SLCO4C1: variants seen among roughly 807,000 people sequenced by gnomAD.
SLCO4C1 encodes the protein solute carrier organic anion transporter family member 4C1, also known as organic anion transporter M1.
In SLCO4C1, 58 loss-of-function variants were observed where a neutral mutation model predicts 72.1. The ratio of observed to expected loss-of-function variants is 0.80; its 90% CI spans 0.65 to 1.00. The LOEUF is 1.00. Among genes scored for constraint, SLCO4C1 ranks in the 50% least tolerant of loss-of-function variants. The probability of loss-of-function intolerance (pLI) is 0.00; values close to 1 mark genes in which losing one functional copy is unlikely to be tolerated. For synonymous variants in SLCO4C1, 297 were observed against 312.5 expected, an observed-to-expected ratio of 0.95 and a Z score of 0.52; for missense variants, 898 against 857.9, an observed-to-expected ratio of 1.05 and a Z score of -0.58.
intron 3 of SLCO4C1, among the ~76,000 whole-genome samples, chr5:102,269,180 T>G (rs1316538219): frequency 6.6e-6 from 1 of 152,154 alleles, no homozygotes; most frequent in Non-Finnish European, 1.5e-5. Context: ...TGGGAATCCC[T>G]GAGCTTCCTG....
In SLCO4C1 at chr5:102,257,196, A is replaced by T. The variant is rs779066824; in HGVS notation, c.1388T>A (p.Val463Asp). ...TMKFALFTSG[V>D]ALTLSFVFMY... ...AAATACAAAACTCAGCGTAAGTGCAACTCCAGATGTGAACAGTGCAAACTT... is the reference window on the plus strand; with the variant it reads ...AAATACAAAACTCAGCGTAAGTGCATCTCCAGATGTGAACAGTGCAAACTT... The change falls in exon 8 of 13, where the codon GTT becomes GAT. Residue 463 changes from valine to aspartate, a missense_variant. Physicochemically the swap from Val to Asp is radical, Grantham distance 152. Coordinates refer to ENST00000310954, the MANE Select transcript of SLCO4C1 (RefSeq NM_180991.5). The T allele has an allele frequency of 2.0e-5, 32 of 1,608,764 alleles. No individual in the cohort carries two copies. The highest frequency in any genetic ancestry group is 1.9e-4 in the South Asian group (17 of 90,000).
intron 8 of SLCO4C1, 106 bp downstream of exon 8, chr5:102,257,009 C>T (rs1174533684): frequency 4.2e-6 from 4 of 955,556 alleles, no homozygotes; most frequent in South Asian, 3.5e-5. Flanking sequence ...AAAGGTCTTC[C>T]AAATTTTTAA....
At chr5:102,240,591 C>A in intron 11 of SLCO4C1, 127 bp downstream of exon 11, 1 of 697,256 alleles carries the variant, frequency 1.4e-6, no homozygotes, top group Admixed American at 2.6e-5. Context: ...AAAATGGCTT[C>A]CTTCAACAAG....
intron 2 of SLCO4C1, among the ~76,000 whole-genome samples, chr5:102,272,780 A>AC (rs5870019): frequency 0.75 from 114,256 of 151,716 alleles, 43,086 homozygotes; most frequent in Middle Eastern, 0.84. Context: ...ACATGGTAAA[A>AC]CCCGTCTCTA....
intron 8 of SLCO4C1, among the ~76,000 whole-genome samples, chr5:102,255,865 G>A (rs1748824810): frequency 6.6e-6 from 1 of 151,900 alleles, no homozygotes; most frequent in Middle Eastern, 3.2e-3. Flanking sequence ...CAGGTATTTT[G>A]CCAAGAAGAT....
chr5:102,260,160 A>T, intron 6 of SLCO4C1, 53 bp downstream of exon 6: 1 of 423,264 alleles, frequency 2.4e-6, no homozygotes, highest in Non-Finnish European at 3.6e-6. Context: ...GTGTGTGTGT[A>T]TATGTGTGTG....
chr5:102,273,118 G>C (rs1749184139), intron 2 of SLCO4C1, among the ~76,000 whole-genome samples: 1 of 151,950 alleles, frequency 6.6e-6, no homozygotes. Context: ...GAGACTGTGA[G>C]AATTATGACA....
chr5:102,280,548 T>C (rs2075195778), intron 2 of SLCO4C1, among the ~76,000 whole-genome samples: 1 of 152,030 alleles, frequency 6.6e-6, no homozygotes, highest in South Asian at 2.1e-4. Context: ...CCAATTAATA[T>C]CCCAATTAAT....
chr5:102,235,438 C>T lies in SLCO4C1; in HGVS notation c.*1420G>A, dbSNP rs552173101. The T allele has an allele frequency of 6.6e-6, 1 of 152,154 alleles. No homozygotes were observed. The highest frequency in any genetic ancestry group is 6.5e-5 in the Admixed American group (1 of 15,280). 9.4% of individuals were successfully genotyped at this position (152,154 alleles called of 1,614,324 possible). ...GGTAGAAGTTATGTTTGTTGATGTT[C>T]ACTCATCTATACCCTCCATATTCTC... On this transcript the variant is annotated 3_prime_UTR_variant, in exon 13 of 13. Transcript: ENST00000310954.
chr5:102,271,946 T>C (rs1216128561), intron 2 of SLCO4C1, among the ~76,000 whole-genome samples: 18 of 152,108 alleles, frequency 1.2e-4, no homozygotes, highest in Admixed American at 1.2e-3. Flanking sequence ...CTTTTGCAAC[T>C]CGGGTAAATA....
intron 9 of SLCO4C1, among the ~76,000 whole-genome samples, chr5:102,248,356 G>C (rs1438703528): frequency 6.6e-6 from 1 of 152,054 alleles, no homozygotes; most frequent in Non-Finnish European, 1.5e-5. Flanking sequence ...AGGACAAATA[G>C]AAAATTTGCA....
chr5:102,246,789 G>A (rs1580241161), intron 10 of SLCO4C1, among the ~76,000 whole-genome samples: 1 of 152,082 alleles, frequency 6.6e-6, no homozygotes, highest in Non-Finnish European at 1.5e-5. Flanking sequence ...ATACAAGGAG[G>A]AAGAGCAACT....
intron 2 of SLCO4C1, among the ~76,000 whole-genome samples, chr5:102,284,721 T>C (rs1042652997): frequency 6.6e-6 from 1 of 152,212 alleles, no homozygotes; most frequent in Non-Finnish European, 1.5e-5. Context: ...CAGATAGTAC[T>C]TTCAGAAATG....
intron 3 of SLCO4C1, among the ~76,000 whole-genome samples, chr5:102,266,203 G>T (rs1018562452): frequency 1.3e-5 from 2 of 151,988 alleles, no homozygotes; most frequent in Non-Finnish European, 2.9e-5. Context: ...GAGTTTTTTG[G>T]TGGAGTCTTT....
At chr5:102,293,868 G>A (rs1441007436) in intron 1 of SLCO4C1, among the ~76,000 whole-genome samples, 2 of 152,136 alleles carry the variant, frequency 1.3e-5, no homozygotes, top group East Asian at 1.9e-4. Flanking sequence ...CTGAATAGCT[G>A]GGACTACAGG....
chr5:102,247,935 T>C, intron 9 of SLCO4C1, among the ~76,000 whole-genome samples: 1 of 148,818 alleles, frequency 6.7e-6, no homozygotes, highest in African/African-American at 2.5e-5. Flanking sequence ...TTTTTTTTTT[T>C]TTTTTTGGTG....
chr5:102,257,947 A>G lies in SLCO4C1; in HGVS notation c.1269T>C (p.Leu423=). The change falls in exon 7 of 13, where the codon CTT becomes CTC. Residue 423 remains leucine (L), a synonymous_variant. Transcript: ENST00000310954. ...FGLTSSFAAT[L]GGAVLIPGAA... is the part of the protein sequence containing the mutation. ...AAGATAAAGAAAATGTTTTACCTCC[A>G]AGAGTAGCTGCGAAGCTGGATGTCA... 1 of 1,601,538 alleles carries G rather than the reference A, an allele frequency of 6.2e-7. No homozygotes were observed. The highest frequency in any genetic ancestry group is 8.5e-7 in the Non-Finnish European group (1 of 1,176,600).
intron 10 of SLCO4C1, 83 bp from the exon 11 acceptor site, chr5:102,240,865 T>C (rs1748527527): frequency 1.1e-6 from 1 of 931,438 alleles, no homozygotes; most frequent in African/African-American, 1.7e-5. Context: ...TATAAGAGTT[T>C]AGCATTCCTA....
At chr5:102,286,756 AAC>A (rs201081289) in intron 2 of SLCO4C1, among the ~76,000 whole-genome samples, 7 of 152,168 alleles carry the variant, frequency 4.6e-5, no homozygotes, top group East Asian at 3.8e-4. Flanking sequence ...CCCTTAAAAA[AAC>A]ACTTTCTCTC....
Sources: allele counts gnomAD v4.1 joint callset (sites outside exome capture counted in the v4.1 genomes callset), GRCh38; gene constraint gnomAD v4.1.1; transcripts MANE v1.5; gene names NCBI Gene and HGNC (gene_info 2026-07-23, HGNC 2026-07-21).